Variants in NBN observed in about 807,000 individuals in gnomAD.
The protein encoded by NBN is nibrin, also known as Nijmegen breakage syndrome 1 (nibrin).
Under a neutral mutation model 90.8 loss-of-function variants are expected in NBN, and 88 were observed. The observed-to-expected ratio is 0.97, with a 90% confidence interval of 0.82 to 1.16. NBN has a LOEUF of 1.16. Ranked by LOEUF, NBN falls within the 50% of genes most tolerant of loss-of-function variation. The probability of loss-of-function intolerance (pLI) is 0.00; values close to 1 mark genes in which losing one functional copy is unlikely to be tolerated. For synonymous variants in NBN, 328 were observed against 295.1 expected (o/e 1.11, Z -1.14); for missense variants, 894 against 869.6 (o/e 1.03, Z -0.35).
At chr8:89,954,665 T>C (rs1178937565) in intron 10 of NBN, among the ~76,000 whole-genome samples, 3 of 152,076 alleles carry the variant, frequency 2.0e-5, no homozygotes, top group African/African-American at 7.2e-5. Flanking sequence ...CCACATATGT[T>C]GATTGTCAGT....
At chr8:89,948,838 A>G (rs1810316802) in intron 11 of NBN, among the ~76,000 whole-genome samples, 1 of 152,202 alleles carries the variant, frequency 6.6e-6, no homozygotes, top group African/African-American at 2.4e-5. Flanking sequence ...CCCTTTATAC[A>G]TAATCAGAAT....
At chr8:89,937,379 A>T (rs1381505642) in intron 14 of NBN, 3 of 377,620 alleles carry the variant, frequency 7.9e-6, no homozygotes, top group Non-Finnish European at 1.5e-5. Flanking sequence ...CCCTTTTACT[A>T]AATGAGATTT....
At chr8:89,981,923 C>A (rs1812090240) in intron 2 of NBN, 1 of 1,063,764 alleles carries the variant, frequency 9.4e-7, no homozygotes, top group Non-Finnish European at 1.2e-6. Flanking sequence ...CATGAGAATA[C>A]GAGGTTATAG....
intron 13 of NBN, among the ~76,000 whole-genome samples, chr8:89,945,367 T>G (rs1475079163): frequency 6.6e-6 from 1 of 152,106 alleles, no homozygotes; most frequent in Non-Finnish European, 1.5e-5. Context: ...TCAGAACCCT[T>G]TAGGTACTAT....
chr8:89,944,618 T>A (rs13312949), intron 13 of NBN, among the ~76,000 whole-genome samples: 1 of 152,198 alleles, frequency 6.6e-6, no homozygotes, highest in African/African-American at 2.4e-5. Flanking sequence ...GGGGCTCTGA[T>A]ACCTGGCCCG....
At chr8:89,935,716 G>A (rs561379417) in intron 15 of NBN, 104 bp from the exon 16 acceptor site, 5 of 1,397,760 alleles carry the variant, frequency 3.6e-6, no homozygotes, top group East Asian at 4.7e-5. Context: ...CAAATAGGAT[G>A]GGAATGACAA....
intron 7 of NBN, among the ~76,000 whole-genome samples, chr8:89,966,202 G>A (rs1195474629): frequency 6.6e-6 from 1 of 152,146 alleles, no homozygotes; most frequent in Admixed American, 6.5e-5. Context: ...TGCTCTGGAG[G>A]TCCCAGTTGG....
chr8:89,950,984 A>G (rs1810418148), intron 11 of NBN, among the ~76,000 whole-genome samples: 1 of 152,050 alleles, frequency 6.6e-6, no homozygotes. Context: ...ATTTGTGGCC[A>G]CCATAGCAGT....
intron 11 of NBN, among the ~76,000 whole-genome samples, chr8:89,948,305 ACTGT>A (rs1460589056): frequency 1.3e-5 from 2 of 152,192 alleles, no homozygotes; most frequent in Non-Finnish European, 2.9e-5. Context: ...TTATCAACAA[ACTGT>A]CTGTTTTATT....
At position 89,982,830 on chromosome 8, in the gene NBN, G is replaced by T; in HGVS notation, c.63C>A (p.Gly21=). Residue 21 remains glycine, a synonymous_variant, in exon 2 of 16, where the codon GGC becomes GGA. Coordinates refer to ENST00000265433, the MANE Select transcript of NBN (RefSeq NM_002485.5). ...AGGEPYRLLT[G]VEYVVGRKNC... is the part of the protein sequence containing the mutation. Reference sequence around the variant, plus strand: ...TTTTCCTTCCAACAACGTACTCAACGCCAGTCAAAAGTCTGTATGGTTCTC... The same window carrying T: ...TTTTCCTTCCAACAACGTACTCAACTCCAGTCAAAAGTCTGTATGGTTCTC... 1.2e-6 allele frequency: 2 copies of T among 1,613,256 alleles called. No homozygotes were observed. Among genetic ancestry groups the T allele is most frequent in the South Asian group, 1.1e-5 (1 of 91,062 alleles).
intron 4 of NBN, among the ~76,000 whole-genome samples, chr8:89,978,960 A>C (rs772342066): frequency 9.2e-5 from 14 of 152,332 alleles, no homozygotes; most frequent in Admixed American, 2.0e-4. Context: ...AATGAAAATA[A>C]GATTCAGAAT....
At chr8:89,954,792 C>T (rs961821765) in intron 10 of NBN, among the ~76,000 whole-genome samples, 3 of 151,934 alleles carry the variant, frequency 2.0e-5, no homozygotes, top group East Asian at 3.9e-4. Context: ...AGAAGCTTAA[C>T]GGGACGGCAC....
intron 8 of NBN, among the ~76,000 whole-genome samples, chr8:89,959,897 T>C (rs746167593): frequency 2.6e-5 from 4 of 152,200 alleles, no homozygotes; most frequent in African/African-American, 9.7e-5. Flanking sequence ...GAGGGTAAAA[T>C]AGCCCCTAGA....
chr8:89,957,891 A>C (rs1400980848), intron 9 of NBN, among the ~76,000 whole-genome samples: 1 of 152,150 alleles, frequency 6.6e-6, no homozygotes, highest in East Asian at 1.9e-4. Context: ...TGGATAATTC[A>C]AGCATATTTA....
intron 2 of NBN, chr8:89,981,983 TC>T: frequency 1.6e-6 from 2 of 1,214,256 alleles, no homozygotes; most frequent in Non-Finnish European, 2.2e-6. Context: ...TGTAGAAATT[TC>T]CAAAATGTTT....
chr8:89,947,783 G>A (rs562227466), intron 12 of NBN, 41 bp downstream of exon 12: 20 of 1,239,322 alleles, frequency 1.6e-5, no homozygotes, highest in African/African-American at 4.5e-5. Flanking sequence ...GACAGTCCCC[G>A]TAAGCCAAAT....
intron 9 of NBN, among the ~76,000 whole-genome samples, chr8:89,957,738 C>T (rs13312912): frequency 6.6e-5 from 10 of 152,018 alleles, no homozygotes; most frequent in Admixed American, 1.3e-4. Context: ...GTTACAATTG[C>T]CTACAGTATC....
chr8:89,939,577 A>C (rs1809845293), intron 14 of NBN, among the ~76,000 whole-genome samples: 1 of 152,240 alleles, frequency 6.6e-6, no homozygotes, highest in Admixed American at 6.5e-5. Context: ...CATACGCTTA[A>C]AAAGTGCAGC....
At chr8:89,981,923 C>T (rs1812090240) in intron 2 of NBN, 5 of 1,063,762 alleles carry the variant, frequency 4.7e-6, no homozygotes, top group African/African-American at 1.7e-5. Context: ...CATGAGAATA[C>T]GAGGTTATAG....
Sources: allele counts gnomAD v4.1 joint callset (sites outside exome capture counted in the v4.1 genomes callset), GRCh38; gene constraint gnomAD v4.1.1; transcripts MANE v1.5; gene names NCBI Gene and HGNC (gene_info 2026-07-23, HGNC 2026-07-21).